Variants in PMEPA1 observed in about 807,000 individuals in gnomAD.
The protein encoded by PMEPA1 is protein TMEPAI.
Under a neutral mutation model 23.0 loss-of-function variants are expected in PMEPA1, and 11 were observed. The observed-to-expected ratio is 0.48, with a 90% CI of 0.30 to 0.79. The LOEUF (loss-of-function observed/expected upper bound fraction) is 0.79, where lower values mean the gene tolerates loss of function less well. Among genes scored for constraint, PMEPA1 ranks in the 30% least tolerant of loss-of-function variants. PMEPA1 has a pLI of 0.06. For missense variants in PMEPA1, 377 were observed against 390.9 expected, an observed-to-expected ratio of 0.96 and a Z score of 0.30; for synonymous variants, 204 against 166.4, an observed-to-expected ratio of 1.23 and a Z score of -1.74.
chr20:57,706,992 G>T (rs780722204), intron 1 of PMEPA1, among the ~76,000 whole-genome samples: 4 of 151,972 alleles, frequency 2.6e-5, no homozygotes, highest in Non-Finnish European at 4.4e-5. Flanking sequence ...CATCCATCAC[G>T]GCCTCATTCT....
At chr20:57,679,042 T>C (rs2146678432) in intron 1 of PMEPA1, among the ~76,000 whole-genome samples, 1 of 152,288 alleles carries the variant, frequency 6.6e-6, no homozygotes, top group East Asian at 1.9e-4. Context: ...CGAGTGTTTT[T>C]GAAGAAGAGT....
rs190474625 is a variant in PMEPA1, at chr20:57,702,075, T to G, written c.109+7399A>C. 6.6e-5 allele frequency among the ~76,000 whole-genome samples: 10 copies of G among 152,268 alleles called. No individual in the cohort carries two copies. The East Asian group carries it at 1.5e-3, about 24-fold the overall frequency. On this transcript the variant is annotated intron_variant, in intron 1 of 3. Transcript: ENST00000341744. ...GTGCCTCTGAGTGTGGCCTCTCAGCTTCCCTTCTGAAATGACTCGTGTTCT... is the reference window on the plus strand; with the variant it reads ...GTGCCTCTGAGTGTGGCCTCTCAGCGTCCCTTCTGAAATGACTCGTGTTCT...
intron 2 of PMEPA1, among the ~76,000 whole-genome samples, chr20:57,657,671 T>C (rs2071346865): frequency 6.6e-6 from 1 of 152,180 alleles, no homozygotes; most frequent in Non-Finnish European, 1.5e-5. Flanking sequence ...CCTGGCAACC[T>C]GGTGACGCAC....
At chr20:57,698,932 A>G (rs1401105965) in intron 1 of PMEPA1, among the ~76,000 whole-genome samples, 1 of 152,220 alleles carries the variant, frequency 6.6e-6, no homozygotes, top group Non-Finnish European at 1.5e-5. Context: ...TCTGAAGCAC[A>G]TCACTGACCA....
chr20:57,698,266 T>C (rs2071967763), intron 1 of PMEPA1, among the ~76,000 whole-genome samples: 1 of 152,168 alleles, frequency 6.6e-6, no homozygotes, highest in Non-Finnish European at 1.5e-5. Context: ...TTGGTTATAT[T>C]CACCCATGTA....
At chr20:57,687,227 G>C (rs771738021) in intron 1 of PMEPA1, among the ~76,000 whole-genome samples, 4 of 152,186 alleles carry the variant, frequency 2.6e-5, no homozygotes, top group Non-Finnish European at 5.9e-5. Flanking sequence ...GTTCAACTGA[G>C]CGACTTCCTT....
chr20:57,651,985 T>C lies in PMEPA1; in HGVS notation c.*68A>G. 1 of 1,345,392 alleles carries C rather than the reference T, an allele frequency of 7.4e-7. No homozygotes were observed. Among genetic ancestry groups the C allele is most frequent in the Non-Finnish European group, 9.9e-7 (1 of 1,011,230 alleles). 83.3% of individuals were successfully genotyped at this position (1,345,392 alleles called of 1,614,324 possible). A position where few individuals can be genotyped will look rare whatever the true frequency, so the allele number is the denominator to read the frequency against. ...GCGCCCCCCGCCTTCCTCTCACTCC[T>C]CTTCTAAGAAGCGCGGAGTGTTCTG... On this transcript the variant is annotated 3_prime_UTR_variant, in exon 4 of 4. Transcript: ENST00000341744.
chr20:57,674,322 G>A (rs1390365580), intron 1 of PMEPA1, among the ~76,000 whole-genome samples: 2 of 152,214 alleles, frequency 1.3e-5, no homozygotes, highest in African/African-American at 4.8e-5. Flanking sequence ...CAGCCAGGAG[G>A]TGGCCATCTA....
At chr20:57,694,490 CCA>C (rs1231354746) in intron 1 of PMEPA1, among the ~76,000 whole-genome samples, 1 of 152,216 alleles carries the variant, frequency 6.6e-6, no homozygotes, top group Non-Finnish European at 1.5e-5. Flanking sequence ...CGTGCCATCT[CCA>C]GTTTTCTCAT....
At chr20:57,710,064 G>T, upstream of PMEPA1, 1 of 990,108 alleles carries the variant, frequency 1.0e-6, no homozygotes, top group Non-Finnish European at 1.2e-6. Context: ...GGGCCGGGGA[G>T]GGGGCGCGCG....
intron 1 of PMEPA1, among the ~76,000 whole-genome samples, chr20:57,670,802 C>T (rs1030802834): frequency 3.9e-5 from 6 of 152,162 alleles, no homozygotes; most frequent in African/African-American, 1.2e-4. Context: ...AGGTTAGGGG[C>T]GGGCTGCCTT....
intron 1 of PMEPA1, among the ~76,000 whole-genome samples, chr20:57,685,336 A>G (rs1018296278): frequency 6.6e-6 from 1 of 152,174 alleles, no homozygotes; most frequent in Non-Finnish European, 1.5e-5. Flanking sequence ...GTTTATGAGC[A>G]AGTGTTTTGA....
At chr20:57,710,334 C>A (rs561260565), upstream of PMEPA1, 4 of 999,544 alleles carry the variant, frequency 4.0e-6, no homozygotes, top group East Asian at 1.3e-4. Flanking sequence ...CCTCCCCTCG[C>A]CCCCGTCCCT....
chr20:57,689,559 A>G (rs1433801614), intron 1 of PMEPA1, among the ~76,000 whole-genome samples: 2 of 152,210 alleles, frequency 1.3e-5, no homozygotes, highest in Non-Finnish European at 2.9e-5. Context: ...ACAGTCTCCA[A>G]ATGAAACTCG....
At chr20:57,680,667 C>T (rs557543091) in intron 1 of PMEPA1, among the ~76,000 whole-genome samples, 2 of 152,228 alleles carry the variant, frequency 1.3e-5, no homozygotes, top group African/African-American at 4.8e-5. Context: ...GGGACTGAAA[C>T]CACACACAAC....
chr20:57,682,066 T>G lies in PMEPA1; in HGVS notation c.110-22369A>C, dbSNP rs1368111429. Reference sequence around the variant, plus strand: ...GACTAGTAGCTCCCTGAGGGCAGGCTCAGGCCTGTTCCATTCACCAGGTCC... The same window carrying G: ...GACTAGTAGCTCCCTGAGGGCAGGCGCAGGCCTGTTCCATTCACCAGGTCC... On this transcript the variant is annotated intron_variant, in intron 1 of 3. Transcript: ENST00000341744. The surrounding 1 kb of genome is among the most constrained non-coding windows in gnomAD (Gnocchi z 4.4). Among the ~76,000 whole-genome samples the G allele has an allele frequency of 1.3e-5, 2 of 152,196 alleles. No individual in the cohort carries two copies. Among genetic ancestry groups the G allele is most frequent in the African/African-American group, 4.8e-5 (2 of 41,444 alleles).
intron 1 of PMEPA1, among the ~76,000 whole-genome samples, chr20:57,695,517 TG>T (rs2071933200): frequency 6.6e-6 from 1 of 152,236 alleles, no homozygotes; most frequent in Non-Finnish European, 1.5e-5. Context: ...ACTGCAGGCC[TG>T]GCCCGGCGCA....
At chr20:57,706,293 C>G (rs752136156) in intron 1 of PMEPA1, among the ~76,000 whole-genome samples, 1 of 151,996 alleles carries the variant, frequency 6.6e-6, no homozygotes, top group Non-Finnish European at 1.5e-5. Flanking sequence ...GGAGAAAGAC[C>G]GGGGGTAATC....
At chr20:57,664,139 G>A (rs1160497199) in intron 1 of PMEPA1, among the ~76,000 whole-genome samples, 1 of 152,180 alleles carries the variant, frequency 6.6e-6, no homozygotes, top group Non-Finnish European at 1.5e-5. Context: ...CACGCGCACC[G>A]ACCGTCCCTG....
Sources: gnomAD v4.1 joint callset for allele counts (sites outside exome capture counted in the v4.1 genomes callset) on GRCh38, gnomAD v4.1.1 for gene constraint, Gnocchi (gnomAD v3.1) non-coding constraint, MANE v1.5 for transcripts, NCBI Gene and HGNC (gene_info 2026-07-23, HGNC 2026-07-21) for gene names.